Variants in SERPINI2 observed in about 807,000 individuals in gnomAD.
SERPINI2 encodes the protein serpin family I member 2.
A neutral mutation model predicts 47.3 loss-of-function variants in SERPINI2; 48 were observed. The observed-to-expected ratio is 1.02, with a 90% CI of 0.81 to 1.29. The LOEUF (loss-of-function observed/expected upper bound fraction) is 1.29, where lower values mean the gene tolerates loss of function less well. Among genes scored for constraint, SERPINI2 ranks in the 50% most tolerant of loss-of-function variants. The probability of loss-of-function intolerance (pLI) is 0.00; values close to 1 mark genes in which losing one functional copy is unlikely to be tolerated. For missense variants in SERPINI2, 448 were observed against 456.9 expected, an observed-to-expected ratio of 0.98 and a Z score of 0.18; for synonymous variants, 135 against 149.3, an observed-to-expected ratio of 0.90 and a Z score of 0.70.
intron 5 of SERPINI2, 45 bp downstream of exon 5, chr3:167,465,161 T>G: frequency 6.7e-7 from 1 of 1,500,780 alleles, no homozygotes; most frequent in Middle Eastern, 2.2e-4. Context: ...AATTCCTATG[T>G]GAGTGGAAAC....
chr3:167,448,362 T>C (rs923931788), intron 7 of SERPINI2, among the ~76,000 whole-genome samples: 2 of 152,184 alleles, frequency 1.3e-5, no homozygotes, highest in Non-Finnish European at 2.9e-5. Flanking sequence ...ACATTTGTAA[T>C]AAAAAAGGCA....
At chr3:167,443,138 C>T (rs898882991) in intron 8 of SERPINI2, among the ~76,000 whole-genome samples, 1 of 152,162 alleles carries the variant, frequency 6.6e-6, no homozygotes, top group African/African-American at 2.4e-5. Context: ...GACGGAGTCT[C>T]GCTCTGTCAC....
chr3:167,442,055 G>A (rs1445487149), exon 9 of SERPINI2: 16 of 1,354,314 alleles, frequency 1.2e-5, no homozygotes, highest in African/African-American at 1.5e-5. Context: ...ACGATATTTT[G>A]CCAATCAGCT....
At chr3:167,450,373 T>C (rs932988393) in intron 6 of SERPINI2, among the ~76,000 whole-genome samples, 1 of 151,926 alleles carries the variant, frequency 6.6e-6, no homozygotes, top group African/African-American at 2.4e-5. Flanking sequence ...TCTGGTAGAG[T>C]GAATTGCAAG....
chr3:167,462,359 A>G (rs912868802), intron 5 of SERPINI2, among the ~76,000 whole-genome samples: 2 of 152,226 alleles, frequency 1.3e-5, no homozygotes, highest in Non-Finnish European at 2.9e-5. Context: ...TCTTAAATCA[A>G]GATGTCAGCA....
intron 1 of SERPINI2, 137 bp downstream of exon 1, chr3:167,473,864 CGA>C (rs1201620239): frequency 2.6e-5 from 32 of 1,222,718 alleles, no homozygotes; most frequent in South Asian, 5.2e-5. Flanking sequence ...AGAATAAAAG[CGA>C]TATGTTAATT....
chr3:167,465,871 T>G (rs1237782542), intron 3 of SERPINI2, among the ~76,000 whole-genome samples, 198 bp from the exon 4 acceptor site: 1 of 152,128 alleles, frequency 6.6e-6, no homozygotes, highest in Non-Finnish European at 1.5e-5. Flanking sequence ...CAAATGGAAT[T>G]TCACTACGAA....
chr3:167,449,420 C>A lies in SERPINI2; in HGVS notation c.965-18G>T, dbSNP rs369111362. 2 of 1,508,118 alleles carry A rather than the reference C, an allele frequency of 1.3e-6. No individual in the cohort carries two copies. Among genetic ancestry groups the A allele is most frequent in the Non-Finnish European group, 9.2e-7 (1 of 1,089,624 alleles). 93.4% of individuals were successfully genotyped at this position (1,508,118 alleles called of 1,614,324 possible). A position where few individuals can be genotyped will look rare whatever the true frequency, so the allele number is the denominator to read the frequency against. On this transcript the variant is annotated intron_variant, in intron 6 of 8. Transcript: ENST00000264677. ...AGATGAATCTGGTTAAAAAAAAATA[C>A]ACAAAAGTGTATTTAAGAGTTAAAA... is the stretch of plus-strand genomic sequence containing the variant.
upstream of SERPINI2, among the ~76,000 whole-genome samples, chr3:167,475,725 G>GGT (rs1750462816): frequency 2.0e-5 from 3 of 149,170 alleles, no homozygotes; most frequent in South Asian, 6.5e-4. Flanking sequence ...TAGAAAATCG[G>GGT]GGTGGGGGGA....
At chr3:167,448,065 T>TA (rs1382886810) in intron 7 of SERPINI2, among the ~76,000 whole-genome samples, 42 of 152,376 alleles carry the variant, frequency 2.8e-4, no homozygotes, top group African/African-American at 9.9e-4. Flanking sequence ...GGAATTAAAA[T>TA]AGACTTACAA....
exon 2 of SERPINI2, chr3:167,471,759 T>G (rs756349918): frequency 7.4e-6 from 12 of 1,613,602 alleles, no homozygotes; most frequent in Non-Finnish European, 1.0e-5. Flanking sequence ...AATTCGGTAT[T>G]TTTTTGAGCT....
intron 5 of SERPINI2, among the ~76,000 whole-genome samples, chr3:167,459,369 C>G (rs991845770): frequency 6.6e-6 from 1 of 152,010 alleles, no homozygotes; most frequent in African/African-American, 2.4e-5. Context: ...CCACCGCGCC[C>G]GGCCCCAAAG....
exon 7 of SERPINI2, chr3:167,449,356 A>C: frequency 6.2e-7 from 1 of 1,613,410 alleles, no homozygotes; most frequent in African/African-American, 1.3e-5. Flanking sequence ...CATTTATCTC[A>C]AAGAAAACTT....
intron 5 of SERPINI2, among the ~76,000 whole-genome samples, chr3:167,462,151 A>G (rs1750000115): frequency 6.6e-6 from 1 of 152,204 alleles, no homozygotes; most frequent in Non-Finnish European, 1.5e-5. Flanking sequence ...ACACTCAAGG[A>G]ACTATCATAA....
exon 1 of SERPINI2, chr3:167,474,003 C>A (rs1377425595): frequency 2.7e-6 from 3 of 1,129,130 alleles, no homozygotes; most frequent in Admixed American, 9.6e-5. Flanking sequence ...AGGTACTTAC[C>A]CCAAACTGAC....
intron 1 of SERPINI2, 129 bp downstream of exon 1, chr3:167,473,870 GTTAA>G (rs1258944893): frequency 8.3e-7 from 1 of 1,204,420 alleles, no homozygotes; most frequent in Admixed American, 3.8e-5. Flanking sequence ...AAAGCGATAT[GTTAA>G]TTAAATAAAT....
At chr3:167,461,706 G>A (rs1344084181) in intron 5 of SERPINI2, among the ~76,000 whole-genome samples, 1 of 152,018 alleles carries the variant, frequency 6.6e-6, no homozygotes, top group Non-Finnish European at 1.5e-5. Context: ...GAACACATGG[G>A]CTCAAGTGAT....
chr3:167,452,959 C>A, exon 6 of SERPINI2: 2 of 1,604,016 alleles, frequency 1.2e-6, no homozygotes, highest in Non-Finnish European at 1.7e-6. Flanking sequence ...AAGGTCGCAG[C>A]CACCACTAAA....
intron 5 of SERPINI2, among the ~76,000 whole-genome samples, chr3:167,453,269 T>C (rs9823367): frequency 0.075 from 11,369 of 151,964 alleles, 641 homozygotes; most frequent in East Asian, 0.31. Flanking sequence ...GAAATTGCAT[T>C]TTTTTTTGAA....
Sources: gnomAD v4.1 joint callset for allele counts (sites outside exome capture counted in the v4.1 genomes callset) on GRCh38, gnomAD v4.1.1 for gene constraint, MANE v1.5 for transcripts, NCBI Gene and HGNC (gene_info 2026-07-23, HGNC 2026-07-21) for gene names.